ADAM22: variants seen among roughly 807,000 people sequenced by gnomAD.
The protein encoded by ADAM22 is disintegrin and metalloproteinase domain-containing protein 22.
In ADAM22, 65 loss-of-function variants were observed where a neutral mutation model predicts 144.6. The observed-to-expected ratio is 0.45, with a 90% CI of 0.37 to 0.55. ADAM22 has a LOEUF of 0.55. Among genes scored for constraint, ADAM22 ranks in the 20% least tolerant of loss-of-function variants. ADAM22 has a pLI of 0.00. For synonymous variants in ADAM22, 391 were observed against 412.6 expected (o/e 0.95, Z 0.63); for missense variants, 974 against 1,184.9 (o/e 0.82, Z 2.61).
intron 12 of ADAM22, among the ~76,000 whole-genome samples, 196 bp downstream of exon 12, chr7:88,133,147 G>A (rs1457558771): frequency 6.6e-6 from 1 of 152,104 alleles, no homozygotes; most frequent in Non-Finnish European, 1.5e-5. Flanking sequence ...CAAATTGCTT[G>A]AGATGAGGAG....
intron 2 of ADAM22, among the ~76,000 whole-genome samples, chr7:87,944,410 T>G (rs541347198): frequency 3.3e-5 from 5 of 152,196 alleles, no homozygotes; most frequent in Admixed American, 1.3e-4. Context: ...GTTCTGCAGA[T>G]TTCTTTGATT....
intron 2 of ADAM22, among the ~76,000 whole-genome samples, chr7:87,935,532 C>T (rs1303275295): frequency 1.3e-5 from 2 of 152,086 alleles, no homozygotes; most frequent in African/African-American, 4.8e-5. Flanking sequence ...GGGTTTGAAT[C>T]ATCATTGTTG....
intron 9 of ADAM22, among the ~76,000 whole-genome samples, chr7:88,129,572 T>C (rs1342121598): frequency 6.6e-6 from 1 of 152,126 alleles, no homozygotes; most frequent in African/African-American, 2.4e-5. Context: ...AGTGAATGTT[T>C]CTGTTCCCTA....
At chr7:88,045,455 A>T (rs2129472876) in intron 3 of ADAM22, among the ~76,000 whole-genome samples, 1 of 152,186 alleles carries the variant, frequency 6.6e-6, no homozygotes, top group Admixed American at 6.5e-5. Flanking sequence ...TATTTATGGT[A>T]TGCATGATGT....
chr7:88,148,904 G>GT (rs1034400525), intron 17 of ADAM22, 73 bp from the exon 18 acceptor site: 225 of 1,153,724 alleles, frequency 2.0e-4, no homozygotes, highest in Admixed American at 3.2e-4. Context: ...TTTTCATTTT[G>GT]TTTTTTTTAG....
intron 3 of ADAM22, among the ~76,000 whole-genome samples, chr7:88,035,214 A>G (rs1801235127): frequency 6.6e-6 from 1 of 152,242 alleles, no homozygotes; most frequent in African/African-American, 2.4e-5. Flanking sequence ...CGAAAGGTCA[A>G]GACTTGTTAT....
intron 28 of ADAM22, 99 bp downstream of exon 28, chr7:88,181,704 C>A: frequency 1.9e-6 from 2 of 1,048,166 alleles, no homozygotes; most frequent in African/African-American, 1.6e-5. Context: ...AGCTCTTTAG[C>A]TCTTCTCCCA....
intron 3 of ADAM22, among the ~76,000 whole-genome samples, chr7:88,053,591 GGAAAGAAAGAAA>G (rs1214968746): frequency 0.058 from 6,559 of 113,180 alleles, 202 homozygotes; most frequent in African/African-American, 0.081. Context: ...AAGGAAGGAA[GGAAAGAAAGAAA>G]GAAAGAAAGA....
chr7:88,044,990 G>A (rs1290212145), intron 3 of ADAM22, among the ~76,000 whole-genome samples: 1 of 151,760 alleles, frequency 6.6e-6, no homozygotes. Context: ...CTCCCAAAGT[G>A]CTGGGATTAC....
At chr7:87,999,445 G>A (rs982328111) in intron 3 of ADAM22, among the ~76,000 whole-genome samples, 2 of 152,142 alleles carry the variant, frequency 1.3e-5, no homozygotes, top group Non-Finnish European at 2.9e-5. Flanking sequence ...GGGTCACATG[G>A]CTAGTTAGCA....
chr7:88,056,620 G>C (rs1352086416), intron 3 of ADAM22, among the ~76,000 whole-genome samples: 1 of 152,126 alleles, frequency 6.6e-6, no homozygotes, highest in Admixed American at 6.5e-5. Flanking sequence ...AATCCTCTGT[G>C]TCTGGCATAT....
At chr7:88,055,550 A>G (rs143719840) in intron 3 of ADAM22, among the ~76,000 whole-genome samples, 200 of 152,216 alleles carry the variant, frequency 1.3e-3, no homozygotes, top group Non-Finnish European at 2.4e-3. Context: ...CATAATCTCT[A>G]TTCACATTGA....
At chr7:88,171,473 C>G in intron 25 of ADAM22, 71 bp from the exon 26 acceptor site, 1 of 1,347,874 alleles carries the variant, frequency 7.4e-7, no homozygotes, top group Middle Eastern at 1.9e-4. Context: ...GTTTAGAGCT[C>G]CCTCTTGATG....
At chr7:87,955,099 A>C (rs1846312632) in intron 2 of ADAM22, among the ~76,000 whole-genome samples, 2 of 152,162 alleles carry the variant, frequency 1.3e-5, no homozygotes, top group Admixed American at 6.5e-5. Context: ...TATAGCTCGG[A>C]GTAATTTGAT....
chr7:87,993,508 C>A (rs1379858680), intron 3 of ADAM22, among the ~76,000 whole-genome samples: 1 of 152,160 alleles, frequency 6.6e-6, no homozygotes, highest in Non-Finnish European at 1.5e-5. Context: ...TTCATTTCTT[C>A]AGCTGACTTA....
At chr7:88,079,518 G>A (rs997376277) in intron 4 of ADAM22, among the ~76,000 whole-genome samples, 1 of 152,134 alleles carries the variant, frequency 6.6e-6, no homozygotes, top group Non-Finnish European at 1.5e-5. Context: ...AATGTAAATG[G>A]GCTAAATGCT....
intron 3 of ADAM22, among the ~76,000 whole-genome samples, chr7:88,055,310 T>C (rs1234955274): frequency 6.6e-6 from 1 of 151,740 alleles, no homozygotes; most frequent in African/African-American, 2.4e-5. Flanking sequence ...GGTGACAGGG[T>C]TTCTTGGGGT....
chr7:87,994,382 C>T (rs1004239702), intron 3 of ADAM22, among the ~76,000 whole-genome samples: 3 of 152,064 alleles, frequency 2.0e-5, no homozygotes, highest in Admixed American at 1.3e-4. Flanking sequence ...AGGATGGTCT[C>T]GATCTCCTGA....
intron 4 of ADAM22, among the ~76,000 whole-genome samples, chr7:88,076,887 T>A (rs1407219688): frequency 6.6e-6 from 1 of 152,242 alleles, no homozygotes; most frequent in Admixed American, 6.5e-5. Context: ...ATTCATTTCC[T>A]TTTTCTAATT....
Sources: gnomAD v4.1 joint callset for allele counts (sites outside exome capture counted in the v4.1 genomes callset) on GRCh38, gnomAD v4.1.1 for gene constraint, MANE v1.5 for transcripts, NCBI Gene and HGNC (gene_info 2026-07-23, HGNC 2026-07-21) for gene names.